Variants in BACH2 observed in about 807,000 individuals in gnomAD.
BACH2 encodes BACH transcriptional regulator 2.
BACH2 carries 5 observed loss-of-function variants against 61.8 expected under a neutral mutation model. The observed-to-expected ratio is 0.08, with a 90% CI of 0.04 to 0.17. The LOEUF (loss-of-function observed/expected upper bound fraction) is 0.17. Ranked by LOEUF, BACH2 falls within the 10% of genes least tolerant of loss-of-function variation. The pLI, the probability that BACH2 is intolerant of heterozygous loss-of-function variation, is 1.00. For synonymous variants in BACH2, 446 were observed against 440.1 expected, an observed-to-expected ratio of 1.01 and a Z score of -0.17; for missense variants, 824 against 1,091.1, an observed-to-expected ratio of 0.76 and a Z score of 3.45.
rs764572235 is a variant in BACH2 at position 89,950,775 on chromosome 6, G to A, written c.1331C>T (p.Ser444Leu). Reference sequence around the variant, plus strand: ...GCTCACCCCAGAATAAGAATGCACCGAGGTGCTCACTTGGTCACAAGCGCT... The same window carrying A: ...GCTCACCCCAGAATAAGAATGCACCAAGGTGCTCACTTGGTCACAAGCGCT... ...SSSACDQVST[S>L]VHSYSGVSSL... is the part of the protein sequence containing the mutation. Residue 444 changes from serine (S) to leucine (L), a missense_variant, in exon 7 of 9, where the codon TCG (serine) becomes TTG (leucine). Around this residue, in one of 8 missense-constraint regions of BACH2, gnomAD observed 102 missense variants for 98.1 expected, o/e 1.04. Transcript: ENST00000257749. This position sits in a 1 kb window ranked among gnomAD's most constrained non-coding sequence, Gnocchi z 5.3. 58 of 1,614,004 alleles carry A rather than the reference G, an allele frequency of 3.6e-5. No individual in the cohort carries two copies. Among genetic ancestry groups the A allele is most frequent in the Middle Eastern group, 1.6e-4 (1 of 6,084 alleles).
chr6:90,211,225 C>A (rs1769337010), intron 3 of BACH2, among the ~76,000 whole-genome samples: 1 of 138,486 alleles, frequency 7.2e-6, no homozygotes, highest in African/African-American at 2.6e-5. Context: ...TGGAGAAAAA[C>A]AAAGGGCGGC....
intron 4 of BACH2, among the ~76,000 whole-genome samples, chr6:90,128,867 G>C (rs1582398814): frequency 6.6e-6 from 1 of 152,102 alleles, no homozygotes; most frequent in Non-Finnish European, 1.5e-5. Context: ...ATACACCATG[G>C]AATACTATGC....
At chr6:90,205,949 C>A in intron 4 of BACH2, among the ~76,000 whole-genome samples, 1 of 152,180 alleles carries the variant, frequency 6.6e-6, no homozygotes, top group Middle Eastern at 3.2e-3. Context: ...TAAATCACCA[C>A]TCACCAATTT....
chr6:90,133,369 A>G (rs933719178), intron 4 of BACH2, among the ~76,000 whole-genome samples: 2 of 152,192 alleles, frequency 1.3e-5, no homozygotes, highest in African/African-American at 4.8e-5. Flanking sequence ...AATTGAGTAC[A>G]TCTGCTGCCA....
At chr6:89,938,652 G>T (rs1161260062) in intron 7 of BACH2, among the ~76,000 whole-genome samples, 2 of 152,152 alleles carry the variant, frequency 1.3e-5, no homozygotes, top group Non-Finnish European at 2.9e-5. Context: ...TTGTAAGAAA[G>T]ATTCTAGTTA....
intron 4 of BACH2, among the ~76,000 whole-genome samples, chr6:90,201,475 T>C (rs1398546337): frequency 6.6e-6 from 1 of 152,238 alleles, no homozygotes; most frequent in Non-Finnish European, 1.5e-5. Context: ...ATTTCTTTCT[T>C]TGTTGGTCTT....
intron 1 of BACH2, among the ~76,000 whole-genome samples, chr6:90,294,264 A>T (rs891980037): frequency 6.6e-6 from 1 of 152,224 alleles, no homozygotes; most frequent in African/African-American, 2.4e-5. Context: ...CCAAATGGCA[A>T]ACCTGAAGCC....
At chr6:90,219,809 C>T (rs2127855419) in intron 3 of BACH2, among the ~76,000 whole-genome samples, 1 of 150,704 alleles carries the variant, frequency 6.6e-6, no homozygotes, top group East Asian at 2.0e-4. Context: ...CACACACACA[C>T]ACACACGCTC....
chr6:90,159,554 G>A (rs551146690), intron 4 of BACH2, among the ~76,000 whole-genome samples: 1 of 152,274 alleles, frequency 6.6e-6, no homozygotes, highest in South Asian at 2.1e-4. Flanking sequence ...GCTCAGGAAG[G>A]AAGTCCACAT....
intron 4 of BACH2, among the ~76,000 whole-genome samples, chr6:90,199,974 T>A (rs759905062): frequency 6.6e-6 from 1 of 152,172 alleles, no homozygotes; most frequent in African/African-American, 2.4e-5. Flanking sequence ...ACGGCCCTTT[T>A]ACAGGCTCAC....
At chr6:90,089,674 G>A (rs1215308651) in intron 4 of BACH2, among the ~76,000 whole-genome samples, 4 of 152,042 alleles carry the variant, frequency 2.6e-5, no homozygotes, top group Non-Finnish European at 5.9e-5. Flanking sequence ...AAAAAATAAA[G>A]ATCAATGGTA....
chr6:90,229,841 T>C (rs1770037890), intron 3 of BACH2, among the ~76,000 whole-genome samples: 1 of 152,186 alleles, frequency 6.6e-6, no homozygotes, highest in Non-Finnish European at 1.5e-5. Context: ...AACTGAATTG[T>C]TGCCCATTGT....
chr6:90,254,454 A>C (rs983857496), intron 2 of BACH2, among the ~76,000 whole-genome samples: 3 of 152,092 alleles, frequency 2.0e-5, no homozygotes, highest in African/African-American at 7.2e-5. Context: ...TAAATCCTGG[A>C]TCATATAATG....
intron 5 of BACH2, among the ~76,000 whole-genome samples, chr6:90,087,437 T>C (rs866580344): frequency 1.3e-5 from 2 of 152,186 alleles, no homozygotes; most frequent in South Asian, 4.1e-4. Context: ...CAGTCAAAGC[T>C]CAGAAATATA....
At chr6:90,237,438 T>C (rs529341389) in intron 3 of BACH2, among the ~76,000 whole-genome samples, 1 of 152,350 alleles carries the variant, frequency 6.6e-6, no homozygotes, top group African/African-American at 2.4e-5. Flanking sequence ...TCAGTATCTA[T>C]TTCCTGCCAC....
At chr6:90,171,783 C>T (rs1767824204) in intron 4 of BACH2, among the ~76,000 whole-genome samples, 1 of 151,976 alleles carries the variant, frequency 6.6e-6, no homozygotes, top group Non-Finnish European at 1.5e-5. Flanking sequence ...AAAAAGTAAA[C>T]AGGATCTTAA....
chr6:90,011,468 T>C (rs1253632206), intron 5 of BACH2, among the ~76,000 whole-genome samples: 1 of 152,178 alleles, frequency 6.6e-6, no homozygotes, highest in East Asian at 1.9e-4. Flanking sequence ...TGAAAATCAG[T>C]TGTTTTTACA....
intron 4 of BACH2, among the ~76,000 whole-genome samples, chr6:90,165,035 T>C (rs1394048756): frequency 1.3e-5 from 2 of 152,178 alleles, no homozygotes; most frequent in Admixed American, 6.5e-5. Context: ...ACCACTCTTA[T>C]TCAACATAGT....
At chr6:89,985,493 G>A (rs1241741683) in intron 6 of BACH2, among the ~76,000 whole-genome samples, 2 of 152,112 alleles carry the variant, frequency 1.3e-5, no homozygotes, top group Admixed American at 1.3e-4. Flanking sequence ...CATTAACAAT[G>A]CACAGACATC....
Sources: gnomAD v4.1 joint callset for allele counts (sites outside exome capture counted in the v4.1 genomes callset) on GRCh38, gnomAD v4.1.1 for gene constraint, gnomAD v4.1.1 regional missense constraint, Gnocchi (gnomAD v3.1) non-coding constraint, MANE v1.5 for transcripts, NCBI Gene and HGNC (gene_info 2026-07-23, HGNC 2026-07-21) for gene names.